Variants in ZFHX3 observed in about 807,000 individuals in gnomAD.
The protein encoded by ZFHX3 is zinc finger homeobox protein 3.
A neutral mutation model predicts 279.1 loss-of-function variants in ZFHX3; 42 were observed. The ratio of observed to expected loss-of-function variants is 0.15; its 90% CI spans 0.12 to 0.19. The LOEUF (loss-of-function observed/expected upper bound fraction) is 0.19, where lower values mean the gene tolerates loss of function less well. Among genes scored for constraint, ZFHX3 ranks in the 10% least tolerant of loss-of-function variants. ZFHX3 has a pLI of 1.00. For synonymous variants in ZFHX3, 2,293 were observed against 1,957.8 expected (o/e 1.17, Z -4.52); for missense variants, 4,981 against 4,754.0 (o/e 1.05, Z -1.40).
chr16:73,766,220 C>A (rs965749920), intron 1 of ZFHX3, among the ~76,000 whole-genome samples: 2 of 152,134 alleles, frequency 1.3e-5, no homozygotes, highest in African/African-American at 2.4e-5. Flanking sequence ...TAAAATAAAA[C>A]CATGCAGCAG....
intron 5 of ZFHX3, among the ~76,000 whole-genome samples, chr16:73,194,887 T>TTAAG (rs1414202801): frequency 6.6e-6 from 1 of 152,200 alleles, no homozygotes; most frequent in African/African-American, 2.4e-5. Flanking sequence ...TTTCCTTATT[T>TTAAG]TAAGTTTTAT....
At position 72,958,056 on chromosome 16, in the gene ZFHX3, G is replaced by C; in HGVS notation, c.2090C>G (p.Pro697Arg). The C allele has an allele frequency of 6.2e-7, 1 of 1,613,794 alleles. No individual in the cohort carries two copies. Among genetic ancestry groups the C allele is most frequent in the African/African-American group, 1.3e-5 (1 of 75,058 alleles). The change falls in exon 2 of 10, where the codon CCG becomes CGG. Residue 697 changes from proline to arginine, a missense_variant. Physicochemically the swap from Pro to Arg is moderately radical, Grantham distance 103. Coordinates refer to ENST00000268489, the MANE Select transcript of ZFHX3 (RefSeq NM_006885.4). ...TTTGCAGTAGACACAGGAGCCCCCC[G>C]GCTCCGGGTGCTTCTCCTTCATGTG... ...EAHMKEKHPE[P>R]GGSCVYCKSG...
intron 1 of ZFHX3, among the ~76,000 whole-genome samples, chr16:73,744,503 C>T (rs2053686903): frequency 6.6e-6 from 1 of 152,216 alleles, no homozygotes; most frequent in South Asian, 2.1e-4. Context: ...CAGGCCAGAT[C>T]ACATGCAAGG....
intron 5 of ZFHX3, among the ~76,000 whole-genome samples, chr16:73,170,223 G>GTTTTTTGTTTTT (rs1967487596): frequency 1.7e-5 from 1 of 57,720 alleles, no homozygotes; most frequent in Non-Finnish European, 2.9e-5. Flanking sequence ...CCTTTCACTA[G>GTTTTTTGTTTTT]TTTTTTTTTT....
At chr16:72,881,587 T>G (rs868788351) in intron 4 of ZFHX3, among the ~76,000 whole-genome samples, 1 of 152,216 alleles carries the variant, frequency 6.6e-6, no homozygotes, top group South Asian at 2.1e-4. Flanking sequence ...AATGGATTCT[T>G]TGGACATTCC....
chr16:73,676,059 G>A (rs1260410002), intron 2 of ZFHX3, among the ~76,000 whole-genome samples: 1 of 151,864 alleles, frequency 6.6e-6, no homozygotes, highest in African/African-American at 2.4e-5. Flanking sequence ...AACTCACTAA[G>A]AGATTTAAAA....
intron 2 of ZFHX3, among the ~76,000 whole-genome samples, chr16:73,578,118 A>T (rs1223011676): frequency 2.6e-5 from 4 of 152,220 alleles, no homozygotes; most frequent in Admixed American, 2.6e-4. Flanking sequence ...GATTCATAGG[A>T]TGCTGCCAAG....
intron 2 of ZFHX3, among the ~76,000 whole-genome samples, chr16:73,538,862 G>C (rs188691737): frequency 7.9e-5 from 12 of 152,274 alleles, no homozygotes; most frequent in Admixed American, 7.8e-4. Flanking sequence ...GTCTTGGATA[G>C]GTCAGTGCAA....
intron 3 of ZFHX3, among the ~76,000 whole-genome samples, chr16:73,397,160 A>C (rs1251699131): frequency 6.6e-6 from 1 of 152,252 alleles, no homozygotes; most frequent in Non-Finnish European, 1.5e-5. Context: ...TGGAGTTCAT[A>C]ATCTAGACAG....
chr16:73,849,433 T>A (rs1159797521), intron 1 of ZFHX3, among the ~76,000 whole-genome samples: 1 of 152,220 alleles, frequency 6.6e-6, no homozygotes, highest in Non-Finnish European at 1.5e-5. Flanking sequence ...CCGCTTTGCA[T>A]ACTGGAAGGT....
chr16:73,058,040 C>T (rs1197664598), intron 1 of ZFHX3, among the ~76,000 whole-genome samples: 1 of 145,624 alleles, frequency 6.9e-6, no homozygotes, highest in Non-Finnish European at 1.5e-5. Flanking sequence ...CATACTCCCC[C>T]CACCGCCGGC....
chr16:73,819,940 G>A (rs780420869), intron 1 of ZFHX3, among the ~76,000 whole-genome samples: 3 of 152,128 alleles, frequency 2.0e-5, no homozygotes, highest in Non-Finnish European at 2.9e-5. Context: ...AGATGGTCAC[G>A]ACAATGTCTC....
At chr16:73,187,240 C>G (rs928653352) in intron 5 of ZFHX3, among the ~76,000 whole-genome samples, 4 of 152,164 alleles carry the variant, frequency 2.6e-5, no homozygotes, top group African/African-American at 9.6e-5. Flanking sequence ...GACAGCATTT[C>G]TTCCTTTCTT....
chr16:73,641,727 A>G (rs2052574779), intron 2 of ZFHX3, among the ~76,000 whole-genome samples: 1 of 152,162 alleles, frequency 6.6e-6, no homozygotes, highest in Non-Finnish European at 1.5e-5. Context: ...GACATGGGTA[A>G]GTGAATGGAA....
intron 1 of ZFHX3, chr16:73,006,207 T>C (rs1963696650): frequency 6.6e-6 from 1 of 152,238 alleles, no homozygotes; most frequent in Non-Finnish European, 1.5e-5. Flanking sequence ...GAATGTTGCC[T>C]CTCATGATTC....
intron 1 of ZFHX3, among the ~76,000 whole-genome samples, chr16:73,836,241 C>G (rs934166017): frequency 6.6e-6 from 1 of 152,146 alleles, no homozygotes; most frequent in African/African-American, 2.4e-5. Context: ...GAACAGTCAT[C>G]TTATTTGATT....
chr16:72,940,554 G>A (rs4788681), intron 3 of ZFHX3, among the ~76,000 whole-genome samples: 21,600 of 152,156 alleles, frequency 0.14, 2,034 homozygotes, highest in Non-Finnish European at 0.21. Context: ...CTCCACAGAG[G>A]TCAGCTCAGA....
At chr16:72,906,116 T>A (rs1176472975) in intron 3 of ZFHX3, among the ~76,000 whole-genome samples, 1 of 151,884 alleles carries the variant, frequency 6.6e-6, no homozygotes, top group African/African-American at 2.4e-5. Flanking sequence ...ATAAGATCCC[T>A]CCCGGGACAT....
chr16:73,046,372 T>C (rs1421317739), intron 1 of ZFHX3, among the ~76,000 whole-genome samples: 2 of 152,224 alleles, frequency 1.3e-5, no homozygotes, highest in African/African-American at 2.4e-5. Context: ...TCATGTTTCT[T>C]GCTACGGCCT....
Sources: allele counts gnomAD v4.1 joint callset (sites outside exome capture counted in the v4.1 genomes callset), GRCh38; gene constraint gnomAD v4.1.1; transcripts MANE v1.5; gene names NCBI Gene and HGNC (gene_info 2026-07-23, HGNC 2026-07-21).